CACNA1C: variants seen among roughly 807,000 people sequenced by gnomAD.
The protein encoded by CACNA1C is voltage-dependent L-type calcium channel subunit alpha-1C.
In CACNA1C, 30 loss-of-function variants were observed where a neutral mutation model predicts 229.0. The ratio of observed to expected loss-of-function variants is 0.13; its 90% CI spans 0.10 to 0.18. The LOEUF (loss-of-function observed/expected upper bound fraction) is 0.18, where lower values mean the gene tolerates loss of function less well. Ranked by LOEUF, CACNA1C falls within the 10% of genes least tolerant of loss-of-function variation. The pLI is 1.00. For missense variants in CACNA1C, 1,658 were observed against 2,845.0 expected, an observed-to-expected ratio of 0.58 and a Z score of 9.49; for synonymous variants, 1,114 against 1,132.5, an observed-to-expected ratio of 0.98 and a Z score of 0.33.
intron 10 of CACNA1C, among the ~76,000 whole-genome samples, chr12:2,556,387 C>T (rs559449734): frequency 7.9e-5 from 12 of 152,326 alleles, no homozygotes; most frequent in Non-Finnish European, 1.5e-4. Flanking sequence ...TGCGTGTGAC[C>T]GTCAGCATCC....
chr12:2,070,436 A>AT (rs1460843058), intron 1 of CACNA1C, among the ~76,000 whole-genome samples: 1 of 152,112 alleles, frequency 6.6e-6, no homozygotes, highest in East Asian at 1.9e-4. Context: ...TGAAGCATAT[A>AT]TTTTTTAGTT....
At chr12:2,100,683 G>A (rs1054970537) in intron 1 of CACNA1C, among the ~76,000 whole-genome samples, 4 of 151,806 alleles carry the variant, frequency 2.6e-5, no homozygotes, top group Non-Finnish European at 5.9e-5. Flanking sequence ...CTTGAGCCCA[G>A]GGAGGTTGAG....
chr12:2,129,248 C>T (rs1465666107), intron 3 of CACNA1C, among the ~76,000 whole-genome samples: 1 of 152,200 alleles, frequency 6.6e-6, no homozygotes, highest in Non-Finnish European at 1.5e-5. Context: ...CTGTCTTCAT[C>T]AGGAACATGG....
intron 4 of CACNA1C, among the ~76,000 whole-genome samples, chr12:2,455,879 T>C (rs1389443613): frequency 6.6e-6 from 1 of 152,138 alleles, no homozygotes; most frequent in African/African-American, 2.4e-5. Flanking sequence ...GACCCCTCAA[T>C]GTGGGAGCAC....
chr12:2,374,793 C>G (rs1467969379), intron 3 of CACNA1C, among the ~76,000 whole-genome samples: 1 of 152,208 alleles, frequency 6.6e-6, no homozygotes, highest in Admixed American at 6.5e-5. Flanking sequence ...AACATTATCC[C>G]TGCTGCATCC....
At chr12:2,112,810 G>A (rs1015638021) in intron 1 of CACNA1C, among the ~76,000 whole-genome samples, 1 of 152,074 alleles carries the variant, frequency 6.6e-6, no homozygotes, top group Non-Finnish European at 1.5e-5. Flanking sequence ...AGTCCCTTAA[G>A]TATATAGCAT....
At chr12:2,028,048 A>G (rs1458663737) in intron 1 of CACNA1C, among the ~76,000 whole-genome samples, 1 of 152,244 alleles carries the variant, frequency 6.6e-6, no homozygotes, top group African/African-American at 2.4e-5. Context: ...GCACAAAGCC[A>G]TCAATCCAAA....
intron 7 of CACNA1C, among the ~76,000 whole-genome samples, chr12:2,499,068 G>A (rs1334072951): frequency 3.3e-5 from 5 of 152,162 alleles, no homozygotes; most frequent in Non-Finnish European, 7.4e-5. Flanking sequence ...CGGGTTTTCA[G>A]CACTCAATAA....
At chr12:2,106,198 C>G (rs1244291295) in intron 1 of CACNA1C, among the ~76,000 whole-genome samples, 3 of 53,748 alleles carry the variant, frequency 5.6e-5, no homozygotes, top group Non-Finnish European at 8.8e-5. Flanking sequence ...GCTGGGCGTC[C>G]TGAAGCCACT....
At position 2,467,368 on chromosome 12, in the gene CACNA1C, G is replaced by T. The variant is rs1424261231; in HGVS notation, c.757+9662G>T. Among the ~76,000 whole-genome samples the T allele has an allele frequency of 5.9e-5, 9 of 152,196 alleles. No homozygotes were observed. Among genetic ancestry groups the T allele is most frequent in the Non-Finnish European group, 1.3e-4 (9 of 68,044 alleles). On this transcript the variant is annotated intron_variant, in intron 5 of 46. Coordinates refer to ENST00000399655, the MANE Select transcript of CACNA1C (RefSeq NM_000719.7). The surrounding 1 kb of genome is among the most constrained non-coding windows in gnomAD (Gnocchi z 4.6). Reference sequence around the variant, plus strand: ...CTTAAGGTCACAGAGTGACCTGGTGGCAGGTGGGCAGGACCCTTGCTTCCT... The same window carrying T: ...CTTAAGGTCACAGAGTGACCTGGTGTCAGGTGGGCAGGACCCTTGCTTCCT...
chr12:2,582,233 T>G (rs1196186503), intron 14 of CACNA1C, among the ~76,000 whole-genome samples: 1 of 151,992 alleles, frequency 6.6e-6, no homozygotes, highest in Admixed American at 6.6e-5. Context: ...CTGCTCTTAC[T>G]GGGGGAGGGG....
intron 14 of CACNA1C, among the ~76,000 whole-genome samples, chr12:2,582,017 A>G (rs900641750): frequency 8.6e-5 from 13 of 151,726 alleles, no homozygotes; most frequent in African/African-American, 3.1e-4. Context: ...GGGAAACAAT[A>G]TAAGTGGTTT....
rs145123932 is a variant in CACNA1C, at chr12:2,033,306, C to T, written c.139+62105C>T. Reference sequence around the variant, plus strand: ...TGCCCGCCCTCTGCAGGCTCAAGTCCGCCCATGTGCTCGGCCACCACCTGG... The same window carrying T: ...TGCCCGCCCTCTGCAGGCTCAAGTCTGCCCATGTGCTCGGCCACCACCTGG... On this transcript the variant is annotated intron_variant, in intron 1 of 46. Transcript: ENST00000682462. Among the ~76,000 whole-genome samples the T allele has an allele frequency of 1.5e-3, 222 of 152,268 alleles. 1 individual carries two copies. Among genetic ancestry groups the T allele is most frequent in the African/African-American group, 4.4e-3 (183 of 41,544 alleles).
chr12:2,341,426 C>A (rs1206083442), intron 3 of CACNA1C, among the ~76,000 whole-genome samples: 1 of 152,162 alleles, frequency 6.6e-6, no homozygotes. Context: ...CCAAGGCAGC[C>A]CAGGTGAGGC....
chr12:2,316,774 C>T lies in CACNA1C; in HGVS notation c.478-132202C>T, dbSNP rs114602812. 5.9e-3 allele frequency among the ~76,000 whole-genome samples: 904 copies of T among 152,320 alleles called. 10 individuals carry two copies. Among genetic ancestry groups the T allele is most frequent in the African/African-American group, 0.019 (790 of 41,566 alleles). The stretch of plus-strand genomic sequence containing the variant: ...GGGCTTGTGCTGGCAGCCTGCGTGA[C>T]TGTGCGGGTGTGTCCTATGAAGAGC... On this transcript the variant is annotated intron_variant, in intron 3 of 46. Coordinates refer to ENST00000399655, the MANE Select transcript of CACNA1C (RefSeq NM_000719.7).
chr12:2,249,645 CCT>C (rs1204293297), intron 3 of CACNA1C, among the ~76,000 whole-genome samples: 1 of 152,182 alleles, frequency 6.6e-6, no homozygotes, highest in Non-Finnish European at 1.5e-5. Context: ...ATGATTGTTC[CCT>C]GTTTATTGCA....
intron 3 of CACNA1C, among the ~76,000 whole-genome samples, chr12:2,124,214 G>C (rs1229494148): frequency 6.6e-6 from 1 of 151,864 alleles, no homozygotes; most frequent in Non-Finnish European, 1.5e-5. Context: ...AGATGAAACT[G>C]TAAACAGTTG....
chr12:2,640,001 T>C (rs2093465404), intron 30 of CACNA1C, among the ~76,000 whole-genome samples: 1 of 151,660 alleles, frequency 6.6e-6, no homozygotes, highest in East Asian at 1.9e-4. Context: ...TGCACAGGAG[T>C]GTCCAGAGCA....
At chr12:2,313,584 G>C (rs1176288748) in intron 3 of CACNA1C, among the ~76,000 whole-genome samples, 1 of 152,154 alleles carries the variant, frequency 6.6e-6, no homozygotes, top group Non-Finnish European at 1.5e-5. Flanking sequence ...GACAACATTT[G>C]GTTTCCTTGG....
Sources: allele counts gnomAD v4.1 joint callset (sites outside exome capture counted in the v4.1 genomes callset), GRCh38; gene constraint gnomAD v4.1.1; non-coding constraint Gnocchi (gnomAD v3.1); transcripts MANE v1.5; gene names NCBI Gene and HGNC (gene_info 2026-07-23, HGNC 2026-07-21).